DLGAP2: variants seen among roughly 807,000 people sequenced by gnomAD.
DLGAP2 encodes the protein DLG associated protein 2.
In DLGAP2, 26 loss-of-function variants were observed where a neutral mutation model predicts 100.3. That is an observed-to-expected ratio of 0.26 (90% CI 0.19 to 0.36). DLGAP2 has a LOEUF of 0.36. Ranked by LOEUF, DLGAP2 falls within the 10% of genes least tolerant of loss-of-function variation. The probability of loss-of-function intolerance (pLI) is 1.00; values close to 1 mark genes in which losing one functional copy is unlikely to be tolerated. For synonymous variants in DLGAP2, 886 were observed against 630.1 expected (o/e 1.41, Z -6.08); for missense variants, 1,858 against 1,453.2 (o/e 1.28, Z -4.53).
chr8:1,080,530 G>A (rs1271976999), intron 2 of DLGAP2, among the ~76,000 whole-genome samples: 1 of 152,112 alleles, frequency 6.6e-6, no homozygotes, highest in Non-Finnish European at 1.5e-5. Flanking sequence ...GCGGAATAGG[G>A]ACCTGGCCTC....
At chr8:1,458,931 G>A (rs1280203552) in intron 3 of DLGAP2, among the ~76,000 whole-genome samples, 1 of 152,222 alleles carries the variant, frequency 6.6e-6, no homozygotes, top group East Asian at 1.9e-4. Context: ...CAATGTGCAA[G>A]ACCAGTGTGT....
intron 2 of DLGAP2, among the ~76,000 whole-genome samples, chr8:1,205,830 C>A (rs1262510370): frequency 6.6e-6 from 1 of 152,122 alleles, no homozygotes; most frequent in Non-Finnish European, 1.5e-5. Flanking sequence ...GAGAATACAT[C>A]AAATCTGGAG....
At chr8:1,494,542 A>G (rs1799489607) in intron 3 of DLGAP2, among the ~76,000 whole-genome samples, 1 of 152,188 alleles carries the variant, frequency 6.6e-6, no homozygotes, top group Non-Finnish European at 1.5e-5. Context: ...AAGCCTGGCC[A>G]ACATGATGAA....
intron 3 of DLGAP2, among the ~76,000 whole-genome samples, chr8:1,314,293 G>C (rs1800678174): frequency 6.6e-6 from 1 of 152,158 alleles, no homozygotes; most frequent in African/African-American, 2.4e-5. Flanking sequence ...ATAAAGTAGA[G>C]GTTTTCTTTG....
intron 3 of DLGAP2, among the ~76,000 whole-genome samples, chr8:1,473,669 T>C (rs1449081911): frequency 1.3e-5 from 2 of 152,142 alleles, no homozygotes; most frequent in African/African-American, 2.4e-5. Context: ...CCAAATCTCA[T>C]TGTGAATGGC....
intron 1 of DLGAP2, among the ~76,000 whole-genome samples, chr8:869,660 G>C (rs1797560630): frequency 6.6e-6 from 1 of 152,198 alleles, no homozygotes; most frequent in Non-Finnish European, 1.5e-5. Flanking sequence ...AGACTCCTTA[G>C]TCTTAATGAA....
chr8:805,323 G>A (rs1796247470), intron 1 of DLGAP2, among the ~76,000 whole-genome samples: 1 of 152,110 alleles, frequency 6.6e-6, no homozygotes, highest in Non-Finnish European at 1.5e-5. Context: ...CTTAGTCTAG[G>A]GAAGCCCTTC....
chr8:1,262,489 G>C (rs369149517), intron 3 of DLGAP2: 12 of 152,062 alleles, frequency 7.9e-5, no homozygotes, highest in African/African-American at 2.7e-4. Context: ...AGTTAACGAG[G>C]GTCTGGATGC....
At chr8:1,428,366 C>T (rs536600387) in intron 3 of DLGAP2, among the ~76,000 whole-genome samples, 51 of 152,202 alleles carry the variant, frequency 3.4e-4, no homozygotes, top group African/African-American at 1.2e-3. Flanking sequence ...AATAAACTTA[C>T]TACCAGTAAA....
chr8:1,347,132 C>A (rs924168986), intron 3 of DLGAP2, among the ~76,000 whole-genome samples: 3 of 151,862 alleles, frequency 2.0e-5, no homozygotes, highest in African/African-American at 4.8e-5. Context: ...AGCTGCATTG[C>A]TCTCATGGCG....
intron 3 of DLGAP2, among the ~76,000 whole-genome samples, chr8:1,285,101 A>AT (rs1227958403): frequency 6.6e-6 from 1 of 152,074 alleles, no homozygotes; most frequent in African/African-American, 2.4e-5. Context: ...ATTCTGCCAT[A>AT]TTTTTTATGT....
At chr8:903,217 CA>C (rs889650457) in intron 1 of DLGAP2, among the ~76,000 whole-genome samples, 2 of 151,912 alleles carry the variant, frequency 1.3e-5, no homozygotes, top group Non-Finnish European at 2.9e-5. Context: ...TGGTTGGGGC[CA>C]AAGATTACAA....
At chr8:765,808 A>G (rs146954356) in intron 1 of DLGAP2, among the ~76,000 whole-genome samples, 1 of 152,158 alleles carries the variant, frequency 6.6e-6, no homozygotes, top group East Asian at 1.9e-4. Flanking sequence ...CACACACGCG[A>G]TGATGCACAC....
chr8:1,637,224 C>T (rs188052891), intron 8 of DLGAP2, among the ~76,000 whole-genome samples: 4 of 152,220 alleles, frequency 2.6e-5, no homozygotes, highest in African/African-American at 7.2e-5. Flanking sequence ...AGCTTCCCTG[C>T]GGAGTTAAAA....
chr8:1,550,846 T>C (rs967748195), intron 5 of DLGAP2, among the ~76,000 whole-genome samples: 18 of 152,026 alleles, frequency 1.2e-4, no homozygotes, highest in Non-Finnish European at 2.2e-4. Context: ...ATAGCGCTGT[T>C]AAAAAAAACA....
At position 1,069,828 on chromosome 8, in the gene DLGAP2, C is replaced by T. The variant is rs1027750407; in HGVS notation, c.73+161862C>T. On this transcript the variant is annotated intron_variant, in intron 2 of 14. Coordinates refer to ENST00000637795, the MANE Select transcript of DLGAP2 (RefSeq NM_001346810.2). ...AATGCGTGTCTTGTGGAGGAGGATG[C>T]TGTGAGGGCCTGTGGCTGCCTCACG... Among the ~76,000 whole-genome samples, 3 of 152,192 alleles carry T rather than the reference C, an allele frequency of 2.0e-5. 1 individual carries two copies. The highest frequency in any genetic ancestry group is 2.0e-4 in the Admixed American group (3 of 15,282).
At chr8:1,514,411 C>A (rs1331998774) in intron 4 of DLGAP2, among the ~76,000 whole-genome samples, 14 of 152,182 alleles carry the variant, frequency 9.2e-5, no homozygotes, top group Admixed American at 9.2e-4. Flanking sequence ...GTTTTAAGCT[C>A]CACTTTTAAA....
rs183002599 is a variant in DLGAP2 at position 837,858 on chromosome 8, A to G, written c.19-70054A>G. Among the ~76,000 whole-genome samples the G allele has an allele frequency of 2.9e-3, 438 of 149,126 alleles. 2 individuals are homozygous for G. Among genetic ancestry groups the G allele is most frequent in the African/African-American group, 0.01 (422 of 40,788 alleles). On this transcript the variant is annotated intron_variant, in intron 1 of 14. Transcript: ENST00000637795. ...CATCCTCCTGAGTAGCTGGGATTAC[A>G]GGCATGCATCACCACGCCCGGCTAG...
At chr8:1,047,274 A>T (rs563108884) in intron 2 of DLGAP2, among the ~76,000 whole-genome samples, 3 of 152,188 alleles carry the variant, frequency 2.0e-5, no homozygotes, top group African/African-American at 7.2e-5. Flanking sequence ...TTCACTTAGC[A>T]AGGTTGTCAA....
Sources: allele counts gnomAD v4.1 joint callset (sites outside exome capture counted in the v4.1 genomes callset), GRCh38; gene constraint gnomAD v4.1.1; transcripts MANE v1.5; gene names NCBI Gene and HGNC (gene_info 2026-07-23, HGNC 2026-07-21).